ENTREP2: variants seen among roughly 807,000 people sequenced by gnomAD.
ENTREP2 encodes endosomal transmembrane epsin interactor 2.
At chr15:29,649,841 T>C in the ENTREP2 span, among the ~76,000 whole-genome samples, 1 of 149,800 alleles carries the variant, frequency 6.7e-6, no homozygotes, top group Admixed American at 6.7e-5. Context: ...GGAGCAAGGA[T>C]GGCCTCTTGC....
chr15:29,598,550 T>C, the ENTREP2 span, among the ~76,000 whole-genome samples: 1 of 152,204 alleles, frequency 6.6e-6, no homozygotes, highest in Non-Finnish European at 1.5e-5. Context: ...GATGAGATAT[T>C]TTATCATTGC....
chr15:29,429,483 A>G, the ENTREP2 span, among the ~76,000 whole-genome samples: 4 of 152,176 alleles, frequency 2.6e-5, no homozygotes, highest in African/African-American at 9.7e-5. Context: ...GGCCTCCTAA[A>G]GTGCTAGGAT....
At chr15:29,413,897 AAAG>A in the ENTREP2 span, among the ~76,000 whole-genome samples, 1 of 152,216 alleles carries the variant, frequency 6.6e-6, no homozygotes, top group Admixed American at 6.5e-5. Context: ...CAAAAGAGAC[AAAG>A]AAGGTCATTA....
chr15:29,577,337 TGTGTGTGTGTGTGA>T, the ENTREP2 span, among the ~76,000 whole-genome samples: 1 of 122,388 alleles, frequency 8.2e-6, no homozygotes, highest in Non-Finnish European at 1.6e-5. Flanking sequence ...TGTGTGTGTG[TGTGTGTGTGTGTGA>T]GAGAGAGAAA....
At chr15:29,349,259 G>A in the ENTREP2 span, among the ~76,000 whole-genome samples, 1 of 152,032 alleles carries the variant, frequency 6.6e-6, no homozygotes, top group African/African-American at 2.4e-5. Context: ...AATAAAATGA[G>A]AAGACTCAGT....
the ENTREP2 span, among the ~76,000 whole-genome samples, chr15:29,421,705 A>AT: frequency 3.7e-4 from 57 of 152,340 alleles, 3 homozygotes; most frequent in East Asian, 0.011. Context: ...CTACAGGAAA[A>AT]CAGCTGATCA....
the ENTREP2 span, among the ~76,000 whole-genome samples, chr15:29,559,356 C>G: frequency 3.3e-5 from 5 of 152,106 alleles, no homozygotes; most frequent in Admixed American, 6.5e-5. Context: ...GGATTTCTGA[C>G]TAATCATCTT....
chr15:29,620,956 C>T, the ENTREP2 span, among the ~76,000 whole-genome samples: 1 of 152,132 alleles, frequency 6.6e-6, no homozygotes, highest in African/African-American at 2.4e-5. Flanking sequence ...TGGAAGCAGA[C>T]AGTATCGATT....
the ENTREP2 span, among the ~76,000 whole-genome samples, chr15:29,224,054 G>A: frequency 6.6e-6 from 1 of 152,178 alleles, no homozygotes; most frequent in Non-Finnish European, 1.5e-5. Context: ...CCCTCACACT[G>A]AGTGTTACAG....
the ENTREP2 span, among the ~76,000 whole-genome samples, chr15:29,398,788 A>G: frequency 6.6e-6 from 1 of 150,446 alleles, no homozygotes; most frequent in East Asian, 1.9e-4. Context: ...GAATTATGAG[A>G]TGGCCCCCAA....
the ENTREP2 span, among the ~76,000 whole-genome samples, chr15:29,396,825 T>G: frequency 9.9e-4 from 151 of 152,332 alleles, no homozygotes; most frequent in African/African-American, 3.6e-3. Flanking sequence ...TTTTTTTGCA[T>G]GTGAACACAT....
At chr15:29,208,311 A>G in the ENTREP2 span, among the ~76,000 whole-genome samples, 1 of 152,130 alleles carries the variant, frequency 6.6e-6, no homozygotes, top group Non-Finnish European at 1.5e-5. Context: ...ATAGGAGAAA[A>G]TAAAATGTTT....
chr15:29,407,562 C>G, the ENTREP2 span, among the ~76,000 whole-genome samples: 1 of 152,230 alleles, frequency 6.6e-6, no homozygotes, highest in East Asian at 1.9e-4. Flanking sequence ...CCAGGGAAGT[C>G]CCTAGGAGCC....
the ENTREP2 span, among the ~76,000 whole-genome samples, chr15:29,664,581 G>A: frequency 2.6e-5 from 4 of 152,060 alleles, no homozygotes; most frequent in Non-Finnish European, 5.9e-5. Flanking sequence ...TGCGTGATGG[G>A]GTGGAGGGAG....
At chr15:29,560,497 TCA>T in the ENTREP2 span, among the ~76,000 whole-genome samples, 1 of 152,100 alleles carries the variant, frequency 6.6e-6, no homozygotes, top group Admixed American at 6.5e-5. Flanking sequence ...GCCCCATCTC[TCA>T]GTGTCAGCCC....
At chr15:29,515,195 T>C in the ENTREP2 span, among the ~76,000 whole-genome samples, 22 of 152,288 alleles carry the variant, frequency 1.4e-4, no homozygotes, top group African/African-American at 5.1e-4. Flanking sequence ...GACCCCCAGC[T>C]AGACAGTGCA....
At chr15:29,657,458 G>C in the ENTREP2 span, among the ~76,000 whole-genome samples, 2 of 135,692 alleles carry the variant, frequency 1.5e-5, no homozygotes, top group Non-Finnish European at 3.1e-5. Context: ...GGACCCCTGC[G>C]AGTTGCCGCT....
the ENTREP2 span, among the ~76,000 whole-genome samples, chr15:29,222,125 A>C: frequency 6.6e-6 from 1 of 152,170 alleles, no homozygotes; most frequent in Non-Finnish European, 1.5e-5. Context: ...GGTCAGCACA[A>C]GATACAGGTC....
the ENTREP2 span, among the ~76,000 whole-genome samples, chr15:29,480,824 T>TG: frequency 2.6e-5 from 4 of 151,874 alleles, no homozygotes; most frequent in African/African-American, 9.7e-5. Context: ...CGGCTGCAGT[T>TG]GGGGGGTGAG....
Sources: gnomAD v4.1 joint callset for allele counts (sites outside exome capture counted in the v4.1 genomes callset) on GRCh38, gnomAD v4.1.1 for gene constraint, MANE v1.5 for transcripts, NCBI Gene and HGNC (gene_info 2026-07-23, HGNC 2026-07-21) for gene names.